TSHZ3: variants seen among roughly 807,000 people sequenced by gnomAD.
TSHZ3 encodes teashirt homolog 3.
A neutral mutation model predicts 64.5 loss-of-function variants in TSHZ3; 10 were observed. The ratio of observed to expected loss-of-function variants is 0.16; its 90% confidence interval spans 0.10 to 0.26. The LOEUF is 0.26. TSHZ3 is among the 10% of genes least tolerant of loss of function. The pLI is 1.00. For missense variants in TSHZ3, 1,242 were observed against 1,421.7 expected (o/e 0.87, Z 2.03); for synonymous variants, 608 against 593.1 (o/e 1.03, Z -0.36).
chr19:31,151,162 G>A (rs1434057697), exon 7 of TSHZ3, among the ~76,000 whole-genome samples: 2 of 152,158 alleles, frequency 1.3e-5, no homozygotes, highest in Non-Finnish European at 2.9e-5. Flanking sequence ...GGAGGCAGGC[G>A]GACAGGGCCT....
intron 4 of TSHZ3, among the ~76,000 whole-genome samples, chr19:31,210,472 T>C (rs1203003590): frequency 6.6e-6 from 1 of 152,024 alleles, no homozygotes; most frequent in African/African-American, 2.4e-5. Flanking sequence ...TCTAGAAAAA[T>C]GAAGCCTCTG....
At chr19:31,349,023 C>CT in intron 1 of TSHZ3, 157 bp downstream of exon 1, 1 of 908,118 alleles carries the variant, frequency 1.1e-6, no homozygotes, top group Non-Finnish European at 1.6e-6. Context: ...GCCCGGTACC[C>CT]GAGGCGGGCG....
At chr19:31,312,441 G>A (rs1277155692) in intron 1 of TSHZ3, among the ~76,000 whole-genome samples, 1 of 152,178 alleles carries the variant, frequency 6.6e-6, no homozygotes, top group African/African-American at 2.4e-5. Context: ...ACAGCTCAGG[G>A]CAGCAAATTC....
At chr19:31,212,329 A>G (rs528238851) in intron 4 of TSHZ3, among the ~76,000 whole-genome samples, 4 of 152,116 alleles carry the variant, frequency 2.6e-5, no homozygotes, top group African/African-American at 9.6e-5. Context: ...GTGGTGGTGC[A>G]CACCTGTAAT....
intron 4 of TSHZ3, among the ~76,000 whole-genome samples, chr19:31,223,288 G>A (rs901116684): frequency 3.9e-5 from 6 of 152,038 alleles, no homozygotes; most frequent in Non-Finnish European, 7.4e-5. Context: ...AGAGCCCTCT[G>A]TATTTGTGGG....
chr19:31,158,665 T>C (rs1336716652), intron 5 of TSHZ3, among the ~76,000 whole-genome samples: 2 of 152,178 alleles, frequency 1.3e-5, no homozygotes, highest in African/African-American at 4.8e-5. Context: ...AATCATATAA[T>C]GAAATAATTC....
At chr19:31,220,025 C>A (rs185251534) in intron 4 of TSHZ3, among the ~76,000 whole-genome samples, 151 of 152,146 alleles carry the variant, frequency 9.9e-4, no homozygotes, top group African/African-American at 3.2e-3. Context: ...AAGACGATTT[C>A]TCCCACTACC....
chr19:31,225,595 G>A (rs1054231711), intron 4 of TSHZ3, among the ~76,000 whole-genome samples: 1 of 151,956 alleles, frequency 6.6e-6, no homozygotes, highest in African/African-American at 2.4e-5. Flanking sequence ...AGAATCTATC[G>A]GCCCATCTGC....
rs561026328 is a variant in TSHZ3, at chr19:31,223,344, C to T, written n.686+4661G>A. ...CCCAGGTAGGTCTGTGAATGATGGACTCTAATTTTAGTTCTTATAACGTGT... is the reference window on the plus strand; with the variant it reads ...CCCAGGTAGGTCTGTGAATGATGGATTCTAATTTTAGTTCTTATAACGTGT... On this transcript the variant is annotated intron_variant and non_coding_transcript_variant, in intron 4 of 6. Transcript: ENST00000651361. 5.1e-4 allele frequency among the ~76,000 whole-genome samples: 77 copies of T among 150,762 alleles called. 3 individuals are homozygous for T. Among genetic ancestry groups the T allele is most frequent in the African/African-American group, 1.8e-3 (75 of 40,930 alleles).
At chr19:31,333,634 A>T (rs187083271) in intron 1 of TSHZ3, among the ~76,000 whole-genome samples, 1 of 151,778 alleles carries the variant, frequency 6.6e-6, no homozygotes, top group Admixed American at 6.6e-5. Flanking sequence ...TGCTGATGTC[A>T]CTCCAACCTG....
At chr19:31,157,427 C>G (rs775215585) in intron 5 of TSHZ3, among the ~76,000 whole-genome samples, 11 of 152,066 alleles carry the variant, frequency 7.2e-5, no homozygotes, top group Non-Finnish European at 1.2e-4. Flanking sequence ...ACTTTTTGCT[C>G]TAAAAGGTTA....
chr19:31,204,491 G>A (rs1975136855), intron 5 of TSHZ3, among the ~76,000 whole-genome samples: 1 of 151,770 alleles, frequency 6.6e-6, no homozygotes, highest in Non-Finnish European at 1.5e-5. Context: ...TTAAAATTAT[G>A]TAAATTAAAT....
In TSHZ3 at chr19:31,279,085, C is replaced by T. The variant is rs753638329; in HGVS notation, c.708G>A (p.Thr236=). Residue 236 remains threonine, a synonymous_variant, in exon 2 of 2, where the codon ACG becomes ACA. Coordinates refer to ENST00000240587, the MANE Select transcript of TSHZ3 (RefSeq NM_020856.4). This position sits in a 1 kb window ranked among gnomAD's most constrained non-coding sequence, Gnocchi z 6.4. ...CATGGTTGTCGTCGCGGTAATGCCC[C>T]GTCTCGTTCATGTGCACCGTCAACT... The part of the protein sequence containing the change: ...LVELTVHMNE[T]GHYRDDNHET... 8 of 1,613,868 alleles carry T rather than the reference C, an allele frequency of 5.0e-6. No homozygotes were observed. Among genetic ancestry groups the T allele is most frequent in the African/African-American group, 1.3e-5 (1 of 74,894 alleles).
In TSHZ3 at chr19:31,291,041, A is replaced by G. The variant is rs184533372; in HGVS notation, c.41-11289T>C. On this transcript the variant is annotated intron_variant, in intron 1 of 1. Transcript: ENST00000240587. Reference sequence around the variant, plus strand: ...GCATGGCATTAGCTGATTGGTGAATAAAGTCAGTGTGAATAAGGAAACACC... The same window carrying G: ...GCATGGCATTAGCTGATTGGTGAATGAAGTCAGTGTGAATAAGGAAACACC... Among the ~76,000 whole-genome samples, 4 of 152,374 alleles carry G rather than the reference A, an allele frequency of 2.6e-5. No homozygotes were observed. In the East Asian group the frequency reaches 5.8e-4, roughly 22 times the overall value.
intron 1 of TSHZ3, among the ~76,000 whole-genome samples, chr19:31,322,238 C>T (rs1394837242): frequency 3.9e-5 from 6 of 152,062 alleles, no homozygotes; most frequent in East Asian, 1.9e-4. Flanking sequence ...TGGGTTCAAA[C>T]GATTTTCGTG....
At chr19:31,180,567 G>T (rs571065921) in intron 5 of TSHZ3, among the ~76,000 whole-genome samples, 1 of 152,290 alleles carries the variant, frequency 6.6e-6, no homozygotes, top group African/African-American at 2.4e-5. Flanking sequence ...GCCCAACATA[G>T]CTCAGAATTG....
intron 1 of TSHZ3, among the ~76,000 whole-genome samples, chr19:31,253,734 A>G (rs1395293722): frequency 6.6e-6 from 1 of 152,154 alleles, no homozygotes; most frequent in Non-Finnish European, 1.5e-5. Context: ...ACATATAAGC[A>G]TGGAATGATG....
At chr19:31,252,253 G>C (rs2145192318) in intron 1 of TSHZ3, among the ~76,000 whole-genome samples, 1 of 152,220 alleles carries the variant, frequency 6.6e-6, no homozygotes, top group East Asian at 1.9e-4. Context: ...CTGGCTTTTG[G>C]TGGCCTTCCT....
chr19:31,208,889 A>G (rs903215146), intron 4 of TSHZ3, among the ~76,000 whole-genome samples: 4 of 152,224 alleles, frequency 2.6e-5, no homozygotes, highest in Admixed American at 2.0e-4. Context: ...GGCCCAAGCC[A>G]TGCCAGGATT....
Sources: allele counts gnomAD v4.1 joint callset (sites outside exome capture counted in the v4.1 genomes callset), GRCh38; gene constraint gnomAD v4.1.1; non-coding constraint Gnocchi (gnomAD v3.1); transcripts MANE v1.5; gene names NCBI Gene and HGNC (gene_info 2026-07-23, HGNC 2026-07-21).